The following KIF21B variants were observed in gnomAD, a reference collection of about 807,000 sequenced individuals.
KIF21B encodes kinesin family member 21B.
KIF21B carries 85 observed loss-of-function variants against 192.9 expected under a neutral mutation model. The ratio of observed to expected loss-of-function variants is 0.44; its 90% CI spans 0.37 to 0.53. The LOEUF is 0.53. Ranked by LOEUF, KIF21B falls within the 20% of genes least tolerant of loss-of-function variation. The probability of loss-of-function intolerance (pLI) is 0.00; values close to 1 mark genes in which losing one functional copy is unlikely to be tolerated. For synonymous variants in KIF21B, 832 were observed against 884.6 expected (o/e 0.94, Z 1.05); for missense variants, 1,716 against 2,194.8 (o/e 0.78, Z 4.36).
At chr1:200,989,268 A>G (rs1656515769) in intron 21 of KIF21B, among the ~76,000 whole-genome samples, 1 of 152,172 alleles carries the variant, frequency 6.6e-6, no homozygotes, top group South Asian at 2.1e-4. Context: ...TGAGGCTCCC[A>G]GACTGGTACT....
chr1:200,990,104 G>A lies in KIF21B; in HGVS notation c.3030+34C>T, dbSNP rs754632320. The A allele has an allele frequency of 9.3e-6, 15 of 1,610,264 alleles. No homozygotes were observed. The highest frequency in any genetic ancestry group is 5.5e-5 in the South Asian group (5 of 90,830). On this transcript the variant is annotated intron_variant, in intron 20 of 34. Coordinates refer to ENST00000461742, the MANE Select transcript of KIF21B (RefSeq NM_001252102.2). The surrounding 1 kb of genome is among the most constrained non-coding windows in gnomAD (Gnocchi z 5.4). ...GCTACCCCTGCCACCCATCTCTCCC[G>A]CCTCCGCCCCAGCAGGCCCAGCCCT...
intron 1 of KIF21B, among the ~76,000 whole-genome samples, chr1:201,022,808 T>C (rs1215833007): frequency 6.6e-6 from 1 of 152,196 alleles, no homozygotes; most frequent in East Asian, 1.9e-4. Flanking sequence ...CCAAAGCCAT[T>C]GACTTCCCAC....
chr1:201,020,546 G>C (rs1276209196), intron 1 of KIF21B, among the ~76,000 whole-genome samples: 1 of 152,156 alleles, frequency 6.6e-6, no homozygotes, highest in Non-Finnish European at 1.5e-5. Context: ...CTGGGTTCAG[G>C]GACAGATGGG....
At chr1:200,988,172 C>G in intron 24 of KIF21B, 124 bp downstream of exon 24, 1 of 988,712 alleles carries the variant, frequency 1.0e-6, no homozygotes, top group Non-Finnish European at 1.6e-6. Context: ...CTTGGCACCT[C>G]CCTCCCAGCT....
In KIF21B at chr1:200,990,353, G is replaced by A. The variant is rs1196373684; in HGVS notation, c.2836-21C>T. ...CTTTTCTGGGGTCAGAGGGGAGGGT[G>A]GTGATTGTGATGAAGGAGAGGCCTC... On this transcript the variant is annotated intron_variant, in intron 19 of 34. Transcript: ENST00000461742. The surrounding 1 kb of genome is among the most constrained non-coding windows in gnomAD (Gnocchi z 5.4). 5 of 1,585,130 alleles carry A rather than the reference G, an allele frequency of 3.2e-6. No homozygotes were observed. Among genetic ancestry groups the A allele is most frequent in the Non-Finnish European group, 3.4e-6 (4 of 1,166,232 alleles).
intron 30 of KIF21B, among the ~76,000 whole-genome samples, chr1:200,978,415 C>CT (rs1655707401): frequency 6.6e-6 from 1 of 151,164 alleles, no homozygotes; most frequent in South Asian, 2.1e-4. Flanking sequence ...CACAAGAAAA[C>CT]TAAGCACAAG....
chr1:200,978,040 C>T (rs1289305543), intron 30 of KIF21B, among the ~76,000 whole-genome samples: 1 of 144,994 alleles, frequency 6.9e-6, no homozygotes, highest in African/African-American at 2.6e-5. Flanking sequence ...AGCCTGTTTA[C>T]ATTTATTTAT....
chr1:201,023,123 T>C lies in KIF21B; in HGVS notation c.41+220A>G, dbSNP rs1658948477. 6.6e-6 allele frequency among the ~76,000 whole-genome samples: 1 copy of C among 152,234 alleles called. No individual in the cohort carries two copies. Among genetic ancestry groups the C allele is most frequent in the South Asian group, 2.1e-4 (1 of 4,834 alleles). On this transcript the variant is annotated intron_variant, in intron 1 of 34. Transcript: ENST00000461742. This position sits in a 1 kb window ranked among gnomAD's most constrained non-coding sequence, Gnocchi z 5.9. ...AAGGGCTCCCAAGAGGGGCCCAAAA[T>C]TACCACCCAAACAAAGCCACCTTCC...
rs1162904701 is a variant in KIF21B, at chr1:200,990,162, G to A, written c.3006C>T (p.Thr1002=). The change falls in exon 20 of 35, where the codon ACC becomes ACT. Residue 1002 remains threonine, a synonymous_variant. Coordinates refer to ENST00000461742, the MANE Select transcript of KIF21B (RefSeq NM_001252102.2). This position sits in a 1 kb window ranked among gnomAD's most constrained non-coding sequence, Gnocchi z 5.4. ...INDGITDCQA[T]IVQLEETKEE... ...CCTTGGTCTCCTCCAGCTGCACGAT[G>A]GTGGCCTGGCAGTCGGTGATGCCGT... The A allele has an allele frequency of 1.2e-6, 2 of 1,613,910 alleles. No individual in the cohort carries two copies. The highest frequency in any genetic ancestry group is 2.2e-5 in the South Asian group (2 of 91,072).
intron 7 of KIF21B, 70 bp from the exon 8 acceptor site, chr1:201,003,851 A>G (rs761228433): frequency 3.3e-6 from 5 of 1,499,484 alleles, no homozygotes; most frequent in Admixed American, 3.4e-5. Flanking sequence ...GCCTCAGGGT[A>G]GAGGTCCTGC....
At chr1:201,004,518 G>C (rs778305472) in intron 6 of KIF21B, 63 bp from the exon 7 acceptor site, 1 of 1,404,752 alleles carries the variant, frequency 7.1e-7, no homozygotes, top group East Asian at 2.5e-5. Flanking sequence ...GGAGGGACAA[G>C]AAAATCCCCA....
intron 15 of KIF21B, among the ~76,000 whole-genome samples, chr1:200,995,241 A>G (rs1656976866): frequency 6.6e-6 from 1 of 152,142 alleles, no homozygotes; most frequent in Admixed American, 6.5e-5. Context: ...AGCCCCAGGC[A>G]CTGGGGAGCT....
At chr1:200,974,421 C>T (rs1655407959) in intron 34 of KIF21B, among the ~76,000 whole-genome samples, 3 of 151,710 alleles carry the variant, frequency 2.0e-5, no homozygotes, top group South Asian at 2.1e-4. Flanking sequence ...GATACCTGCA[C>T]GGGGGAAGAC....
chr1:200,975,481 C>T lies in KIF21B; in HGVS notation c.4614+18G>A. ...CACCCTACCCGAGTCTACCCTCTCC[C>T]TTTCCTCCTGACCCCACCTGGATGA... is the stretch of plus-strand genomic sequence containing the variant. On this transcript the variant is annotated intron_variant, in intron 33 of 34. Coordinates refer to ENST00000461742, the MANE Select transcript of KIF21B (RefSeq NM_001252102.2). The surrounding 1 kb of genome is among the most constrained non-coding windows in gnomAD (Gnocchi z 4.3). 3 of 1,601,242 alleles carry T rather than the reference C, an allele frequency of 1.9e-6. No homozygotes were observed. Among genetic ancestry groups the T allele is most frequent in the Non-Finnish European group, 2.6e-6 (3 of 1,170,470 alleles).
chr1:200,988,813 G>C lies in KIF21B; in HGVS notation c.3251C>G (p.Ala1084Gly). 1 of 1,613,924 alleles carries C rather than the reference G, an allele frequency of 6.2e-7. No homozygotes were observed. Among genetic ancestry groups the C allele is most frequent in the Non-Finnish European group, 8.5e-7 (1 of 1,179,916 alleles). The change falls in exon 22 of 35, where the codon GCT (alanine) becomes GGT (glycine). Residue 1084 changes from alanine to glycine, a missense_variant. Coordinates refer to ENST00000461742, the MANE Select transcript of KIF21B (RefSeq NM_001252102.2). The part of the protein sequence containing the change: ...HLLLDALREK[A>G]EAHPELQALI... ...GGCCTGCAGCTCGGGGTGAGCTTCA[G>C]CCTTCTCACGCAGGGCGTCCAGGAG... is the stretch of plus-strand genomic sequence containing the variant.
intron 15 of KIF21B, among the ~76,000 whole-genome samples, chr1:200,993,083 AC>A (rs1656810512): frequency 6.6e-6 from 1 of 152,188 alleles, no homozygotes; most frequent in South Asian, 2.1e-4. Context: ...AAAGCTAAGG[AC>A]CAAGCACAGA....
chr1:201,002,588 C>T, intron 8 of KIF21B: 1 of 507,272 alleles, frequency 2.0e-6, no homozygotes, highest in East Asian at 3.1e-5. Flanking sequence ...CACTGAAGGC[C>T]TCTCACAATC....
At chr1:200,991,970 G>T (rs114334594) in intron 16 of KIF21B, among the ~76,000 whole-genome samples, 1 of 152,278 alleles carries the variant, frequency 6.6e-6, no homozygotes, top group African/African-American at 2.4e-5. Flanking sequence ...GAATCCTGGA[G>T]CGGAGGGCTC....
chr1:201,000,968 G>A lies in KIF21B; in HGVS notation c.1403-188C>T, dbSNP rs565170174. Among the ~76,000 whole-genome samples, 7 of 152,222 alleles carry A rather than the reference G, an allele frequency of 4.6e-5. No individual in the cohort carries two copies. The highest frequency in any genetic ancestry group is 2.1e-4 in the South Asian group (1 of 4,824). On this transcript the variant is annotated intron_variant, in intron 9 of 34. Coordinates refer to ENST00000461742, the MANE Select transcript of KIF21B (RefSeq NM_001252102.2). The surrounding 1 kb of genome is among the most constrained non-coding windows in gnomAD (Gnocchi z 6.0). ...ACTAAAAATACAAAATTAGCCGGGC[G>A]TGGTGGCGCATGCCTCTAATCCCAG... is the stretch of plus-strand genomic sequence containing the variant.
Sources: gnomAD v4.1 joint callset for allele counts (sites outside exome capture counted in the v4.1 genomes callset) on GRCh38, gnomAD v4.1.1 for gene constraint, Gnocchi (gnomAD v3.1) non-coding constraint, MANE v1.5 for transcripts, NCBI Gene and HGNC (gene_info 2026-07-23, HGNC 2026-07-21) for gene names.